LIMA1: variants seen among roughly 807,000 people sequenced by gnomAD.
LIMA1 encodes LIM domain and actin binding 1, also known as LIM domain and actin-binding protein 1.
In LIMA1, 52 loss-of-function variants were observed where a neutral mutation model predicts 62.6. The ratio of observed to expected loss-of-function variants is 0.83; its 90% confidence interval spans 0.67 to 1.05. The LOEUF is 1.05. Among genes scored for constraint, LIMA1 ranks in the 50% least tolerant of loss-of-function variants. The probability of loss-of-function intolerance (pLI) is 0.00; values close to 1 mark genes in which losing one functional copy is unlikely to be tolerated. For synonymous variants in LIMA1, 302 were observed against 317.8 expected (o/e 0.95, Z 0.53); for missense variants, 780 against 902.2 (o/e 0.86, Z 1.74).
intron 1 of LIMA1, among the ~76,000 whole-genome samples, chr12:50,255,142 C>T (rs76660375): frequency 0.021 from 3,209 of 152,066 alleles, 111 homozygotes; most frequent in African/African-American, 0.074. Context: ...CTTATATATC[C>T]GATCTCAGTG....
At chr12:50,256,405 C>T (rs1941998142) in intron 1 of LIMA1, 1 of 152,100 alleles carries the variant, frequency 6.6e-6, no homozygotes. Context: ...CAAGAGTTCC[C>T]ATATACATTT....
intron 4 of LIMA1, among the ~76,000 whole-genome samples, chr12:50,220,335 C>T (rs1565846366): frequency 6.6e-6 from 1 of 152,172 alleles, no homozygotes; most frequent in Non-Finnish European, 1.5e-5. Context: ...GCTGGGATTA[C>T]AGGCTTGAGC....
At chr12:50,209,483 A>C (rs1187564955) in intron 4 of LIMA1, among the ~76,000 whole-genome samples, 2 of 148,978 alleles carry the variant, frequency 1.3e-5, no homozygotes, top group African/African-American at 5.0e-5. Flanking sequence ...GTTGAGAATC[A>C]CTTGAACTTC....
chr12:50,214,037 C>CAT, intron 4 of LIMA1, among the ~76,000 whole-genome samples: 1 of 150,158 alleles, frequency 6.7e-6, no homozygotes, highest in South Asian at 2.2e-4. Context: ...CACACACACA[C>CAT]ACACACACAC....
At chr12:50,216,277 T>C (rs1455379563) in intron 4 of LIMA1, among the ~76,000 whole-genome samples, 1 of 151,968 alleles carries the variant, frequency 6.6e-6, no homozygotes. Context: ...TGCAATGGTG[T>C]CATCTCAGCT....
At chr12:50,195,768 C>T (rs541384011) in intron 8 of LIMA1, 62 bp downstream of exon 8, 2 of 1,534,520 alleles carry the variant, frequency 1.3e-6, no homozygotes, top group African/African-American at 2.8e-5. Flanking sequence ...GGGAACACCC[C>T]TGAACCAAAT....
intron 1 of LIMA1, among the ~76,000 whole-genome samples, chr12:50,278,500 T>C (rs1942301147): frequency 6.6e-6 from 1 of 152,176 alleles, no homozygotes; most frequent in African/African-American, 2.4e-5. Context: ...CAGTTGAGAA[T>C]GTTAATTAGT....
chr12:50,193,669 T>A (rs1474740973), intron 8 of LIMA1, among the ~76,000 whole-genome samples: 4,290 of 115,864 alleles, frequency 0.037, 212 homozygotes, highest in African/African-American at 0.073. Context: ...TATATATATT[T>A]TTTTTTTTTT....
chr12:50,193,403 C>T (rs1291479737), intron 8 of LIMA1, among the ~76,000 whole-genome samples: 1 of 149,826 alleles, frequency 6.7e-6, no homozygotes, highest in Non-Finnish European at 1.5e-5. Flanking sequence ...GTCCAGTAAA[C>T]TAGCCTGGGG....
intron 1 of LIMA1, chr12:50,256,234 T>C (rs1215831714): frequency 6.6e-6 from 1 of 152,084 alleles, no homozygotes; most frequent in Non-Finnish European, 1.5e-5. Flanking sequence ...TTAAACTTTT[T>C]TTTTTAAACA....
intron 1 of LIMA1, among the ~76,000 whole-genome samples, chr12:50,254,142 A>G (rs771262369): frequency 5.3e-5 from 8 of 152,204 alleles, no homozygotes; most frequent in Admixed American, 2.0e-4. Flanking sequence ...CTCTTCAGTC[A>G]TATGCATTCT....
At chr12:50,236,624 T>TA (rs1027849817) in intron 2 of LIMA1, among the ~76,000 whole-genome samples, 2 of 134,134 alleles carry the variant, frequency 1.5e-5, no homozygotes, top group African/African-American at 5.5e-5. Context: ...AAAAAGCTAA[T>TA]ATGCAGGGGG....
chr12:50,209,516 A>G (rs1207729022), intron 4 of LIMA1, among the ~76,000 whole-genome samples: 1 of 149,094 alleles, frequency 6.7e-6, no homozygotes, highest in Non-Finnish European at 1.5e-5. Flanking sequence ...TGCAGTGAGC[A>G]GAAATTGTGC....
chr12:50,250,290 CAAAAAAAAAAAAA>C (rs11327744), intron 1 of LIMA1, among the ~76,000 whole-genome samples: 2 of 64,616 alleles, frequency 3.1e-5, no homozygotes, highest in Admixed American at 2.0e-4. Context: ...AACTCCGTTT[CAAAAAAAAAAAAA>C]AAAAAAAAAA....
intron 2 of LIMA1, among the ~76,000 whole-genome samples, chr12:50,246,498 G>A (rs893968151): frequency 4.6e-5 from 7 of 152,018 alleles, no homozygotes; most frequent in Non-Finnish European, 5.9e-5. Context: ...TCCCAAGAGA[G>A]CCTCATAAAT....
intron 8 of LIMA1, among the ~76,000 whole-genome samples, chr12:50,193,648 GTGTATA>G (rs1365091369): frequency 2.5e-4 from 14 of 55,512 alleles, no homozygotes; most frequent in Admixed American, 3.6e-4. Context: ...GTGTGTGTGT[GTGTATA>G]TATATATATA....
intron 3 of LIMA1, among the ~76,000 whole-genome samples, chr12:50,230,469 G>A (rs1941593477): frequency 2.0e-5 from 3 of 152,098 alleles, no homozygotes; most frequent in African/African-American, 7.3e-5. Context: ...GTGAAGGGAA[G>A]GAAGAAAGAA....
intron 1 of LIMA1, among the ~76,000 whole-genome samples, chr12:50,261,042 A>ATTTTTTT (rs71083524): frequency 0.023 from 1,264 of 54,152 alleles, 237 homozygotes; most frequent in East Asian, 0.077. Context: ...CATCTAGTAT[A>ATTTTTTT]TTTTTTTTTT....
chr12:50,231,756 T>C, intron 2 of LIMA1, 46 bp from the exon 3 acceptor site: 1 of 1,562,384 alleles, frequency 6.4e-7, no homozygotes, highest in African/African-American at 1.4e-5. Context: ...AACTTATATT[T>C]TTACTCTTTC....
Sources: allele counts gnomAD v4.1 joint callset (sites outside exome capture counted in the v4.1 genomes callset), GRCh38; gene constraint gnomAD v4.1.1; transcripts MANE v1.5; gene names NCBI Gene and HGNC (gene_info 2026-07-23, HGNC 2026-07-21).